PCMTD1: variants seen among roughly 807,000 people sequenced by gnomAD.
PCMTD1 encodes the protein protein-L-isoaspartate O-methyltransferase domain-containing protein 1.
Under a neutral mutation model 37.6 loss-of-function variants are expected in PCMTD1, and 12 were observed. The observed-to-expected ratio is 0.32, with a 90% CI of 0.20 to 0.52. The LOEUF is 0.52. Among genes scored for constraint, PCMTD1 ranks in the 20% least tolerant of loss-of-function variants. The pLI is 0.97. For synonymous variants in PCMTD1, 117 were observed against 135.8 expected (o/e 0.86, Z 0.96); for missense variants, 235 against 421.3 (o/e 0.56, Z 3.87).
chr8:51,838,984 C>T (rs1479390137), intron 3 of PCMTD1, among the ~76,000 whole-genome samples: 3 of 151,926 alleles, frequency 2.0e-5, no homozygotes, highest in East Asian at 1.9e-4. Context: ...TATAATTACT[C>T]GTAAAAGAAT....
chr8:51,881,587 G>T (rs1262992999), intron 1 of PCMTD1, among the ~76,000 whole-genome samples: 4 of 152,152 alleles, frequency 2.6e-5, no homozygotes, highest in Admixed American at 2.0e-4. Context: ...GAGCCCAACA[G>T]ATCTGATTTT....
At position 51,818,085 on chromosome 8, in the gene PCMTD1, T is replaced by C. The variant is rs1273397488; in HGVS notation, c.*2266A>G. On this transcript the variant is annotated 3_prime_UTR_variant, in exon 6 of 6. Coordinates refer to ENST00000522514, the MANE Select transcript of PCMTD1 (RefSeq NM_052937.4). The stretch of plus-strand genomic sequence containing the variant: ...ATTTTCCATATCAAGTAAACATAAA[T>C]TCATTAAAAAATAAACACAAACCCA... The C allele has an allele frequency of 1.4e-5, 5 of 369,576 alleles. No individual in the cohort carries two copies. Among genetic ancestry groups the C allele is most frequent in the Non-Finnish European group, 2.1e-5 (4 of 189,108 alleles). 22.9% of individuals were successfully genotyped at this position (369,576 alleles called of 1,614,324 possible).
rs372455634 is a variant in PCMTD1, at chr8:51,840,069, T to C, written c.410+5592A>G. Among the ~76,000 whole-genome samples the C allele has an allele frequency of 8.4e-4, 128 of 152,324 alleles. 1 individual carries two copies. Among genetic ancestry groups the C allele is most frequent in the African/African-American group, 2.7e-3 (111 of 41,584 alleles). On this transcript the variant is annotated intron_variant, in intron 3 of 5. Transcript: ENST00000522514. Reference sequence around the variant, plus strand: ...ATTTTTTGAAAAACAAACCTTTACATTTTCAAGTGTTTTCCATTTCAAATG... The same window carrying C: ...ATTTTTTGAAAAACAAACCTTTACACTTTCAAGTGTTTTCCATTTCAAATG...
At chr8:51,826,561 G>T (rs548320137) in intron 5 of PCMTD1, among the ~76,000 whole-genome samples, 1 of 152,192 alleles carries the variant, frequency 6.6e-6, no homozygotes, top group South Asian at 2.1e-4. Flanking sequence ...TACAGTTCAG[G>T]TTATCTCTAA....
intron 1 of PCMTD1, among the ~76,000 whole-genome samples, chr8:51,894,167 G>C (rs753971035): frequency 2.0e-5 from 3 of 147,924 alleles, no homozygotes; most frequent in Non-Finnish European, 4.4e-5. Context: ...TAAAGGCAGA[G>C]ATGGGAGAAA....
intron 1 of PCMTD1, among the ~76,000 whole-genome samples, chr8:51,861,505 A>C (rs2038468932): frequency 1.3e-5 from 2 of 152,194 alleles, no homozygotes; most frequent in African/African-American, 4.8e-5. Context: ...TAGTACCGTG[A>C]AGCCCATTAT....
intron 1 of PCMTD1, among the ~76,000 whole-genome samples, chr8:51,864,380 G>A (rs552782918): frequency 4.1e-4 from 63 of 152,244 alleles, no homozygotes; most frequent in African/African-American, 1.3e-3. Flanking sequence ...CTTGAACAAC[G>A]CTTTAGACCA....
At chr8:51,861,523 A>G (rs951941179) in intron 1 of PCMTD1, among the ~76,000 whole-genome samples, 1 of 152,172 alleles carries the variant, frequency 6.6e-6, no homozygotes, top group Non-Finnish European at 1.5e-5. Context: ...TATGGTGGCC[A>G]CTAGTCACAC....
Position 51,820,179 on chromosome 8 carries a change from G to T in PCMTD1, c.*172C>A. 2.0e-6 allele frequency: 1 copy of T among 500,976 alleles called. No homozygotes were observed. Among genetic ancestry groups the T allele is most frequent in the Non-Finnish European group, 3.2e-6 (1 of 308,724 alleles). 31.0% of individuals were successfully genotyped at this position (500,976 alleles called of 1,614,324 possible). A position where few individuals can be genotyped will look rare whatever the true frequency, so the allele number is the denominator to read the frequency against. On this transcript the variant is annotated 3_prime_UTR_variant, in exon 6 of 6. Transcript: ENST00000522514. The stretch of plus-strand genomic sequence containing the variant: ...AAAGAAAAATAGATTTTATAAAAGG[G>T]ATTCTTTTATTCACTGAATACATCA...
intron 5 of PCMTD1, among the ~76,000 whole-genome samples, chr8:51,828,324 C>T (rs949150345): frequency 6.6e-6 from 1 of 152,044 alleles, no homozygotes; most frequent in Non-Finnish European, 1.5e-5. Context: ...TGTTTGAAAA[C>T]TAGGAAGGAG....
chr8:51,845,851 AG>A (rs1300704304), intron 2 of PCMTD1, 88 bp from the exon 3 acceptor site: 7 of 814,610 alleles, frequency 8.6e-6, no homozygotes, highest in Non-Finnish European at 9.6e-6. Flanking sequence ...TATACATCAC[AG>A]GAGTATTTAA....
chr8:51,895,784 TA>T (rs1454179066), intron 1 of PCMTD1, among the ~76,000 whole-genome samples: 3 of 152,196 alleles, frequency 2.0e-5, no homozygotes, highest in Non-Finnish European at 4.4e-5. Flanking sequence ...GACCGAGAGA[TA>T]ATCAATGGCA....
intron 5 of PCMTD1, among the ~76,000 whole-genome samples, chr8:51,823,879 G>A (rs1391503751): frequency 6.6e-6 from 1 of 152,166 alleles, no homozygotes; most frequent in Admixed American, 6.5e-5. Flanking sequence ...TGGGATGCAA[G>A]GATGATTCAA....
At chr8:51,889,964 GATAACTAA>G (rs1262838371) in intron 1 of PCMTD1, among the ~76,000 whole-genome samples, 3 of 102,812 alleles carry the variant, frequency 2.9e-5, no homozygotes, top group Non-Finnish European at 6.0e-5. Flanking sequence ...TAAAACCAGT[GATAACTAA>G]ACAGTGATAA....
intron 3 of PCMTD1, among the ~76,000 whole-genome samples, chr8:51,834,509 T>C (rs1029139351): frequency 6.6e-6 from 1 of 152,190 alleles, no homozygotes; most frequent in Non-Finnish European, 1.5e-5. Flanking sequence ...AAAACCCCAA[T>C]GCACTAATAA....
chr8:51,853,323 C>T (rs1478931077), intron 2 of PCMTD1, among the ~76,000 whole-genome samples: 1 of 152,158 alleles, frequency 6.6e-6, no homozygotes, highest in Non-Finnish European at 1.5e-5. Context: ...CTCCAGTCAA[C>T]CTCTGGCTCT....
chr8:51,878,032 G>A (rs1485417877), intron 1 of PCMTD1, among the ~76,000 whole-genome samples: 1 of 152,130 alleles, frequency 6.6e-6, no homozygotes, highest in Admixed American at 6.5e-5. Context: ...AGGGTATACT[G>A]GAGTTCCTTG....
intron 1 of PCMTD1, among the ~76,000 whole-genome samples, chr8:51,885,617 C>T (rs573669941): frequency 1.3e-5 from 2 of 152,268 alleles, no homozygotes; most frequent in African/African-American, 4.8e-5. Context: ...TGAAAAACTC[C>T]TTAAATTTCA....
At chr8:51,839,961 G>A (rs930127170) in intron 3 of PCMTD1, among the ~76,000 whole-genome samples, 1 of 152,122 alleles carries the variant, frequency 6.6e-6, no homozygotes, top group African/African-American at 2.4e-5. Context: ...AGAAAACCAA[G>A]GGAAATGTTA....
Sources: gnomAD v4.1 joint callset for allele counts (sites outside exome capture counted in the v4.1 genomes callset) on GRCh38, gnomAD v4.1.1 for gene constraint, MANE v1.5 for transcripts, NCBI Gene and HGNC (gene_info 2026-07-23, HGNC 2026-07-21) for gene names.